The following HELZ variants were observed in gnomAD, a reference collection of about 807,000 sequenced individuals.
The protein encoded by HELZ is ATP-dependent RNA helicase with zinc finger domain.
Under a neutral mutation model 218.2 loss-of-function variants are expected in HELZ, and 23 were observed. That is an observed-to-expected ratio of 0.11 (90% CI 0.08 to 0.15). The LOEUF is 0.15. HELZ is among the 10% of genes least tolerant of loss of function. The probability of loss-of-function intolerance (pLI) is 1.00; values close to 1 mark genes in which losing one functional copy is unlikely to be tolerated. For synonymous variants in HELZ, 814 were observed against 829.4 expected (o/e 0.98, Z 0.32); for missense variants, 1,813 against 2,353.7 (o/e 0.77, Z 4.75).
intron 12 of HELZ, among the ~76,000 whole-genome samples, chr17:67,185,393 TTC>T (rs1488472387): frequency 6.6e-6 from 1 of 152,200 alleles, no homozygotes; most frequent in African/African-American, 2.4e-5. Context: ...TTCTTTACAA[TTC>T]TGTTAGGACT....
At chr17:67,245,689 C>T (rs765038266), upstream of HELZ, 10 of 196,040 alleles carry the variant, frequency 5.1e-5, no homozygotes, top group Non-Finnish European at 7.4e-5. Flanking sequence ...CGGAGAGGTG[C>T]CTCTGCCCTG....
At chr17:67,155,133 T>A (rs570003649) in intron 17 of HELZ, among the ~76,000 whole-genome samples, 2 of 152,286 alleles carry the variant, frequency 1.3e-5, no homozygotes, top group East Asian at 1.9e-4. Context: ...ACTAGTTAAG[T>A]GTGTGTACAA....
chr17:67,203,433 T>G lies in HELZ; in HGVS notation c.258A>C (p.Glu86Asp). The change falls in exon 6 of 33, where the codon GAA becomes GAC. Residue 86 changes from glutamate (E) to aspartate (D), a missense_variant. By Grantham distance (45) the Glu-to-Asp change is conservative. This residue lies in a region of HELZ where 714 missense variants were observed against 1,029.2 expected (regional missense o/e 0.69). Coordinates refer to ENST00000358691, the MANE Select transcript of HELZ (RefSeq NM_014877.4). ...AGGCATCTTCTCCCTTGGCCAGTCC[T>G]TCTCCCAGCACTGCCATGAAAGAAC... is the stretch of plus-strand genomic sequence containing the variant. Reference protein sequence around the residue: ...ADEDCRHVLGEGLAKGEDAFR... With the variant: ...ADEDCRHVLGDGLAKGEDAFR... 1 of 1,613,798 alleles carries G rather than the reference T, an allele frequency of 6.2e-7. No individual in the cohort carries two copies. Among genetic ancestry groups the G allele is most frequent in the African/African-American group, 1.3e-5 (1 of 75,046 alleles).
At position 67,160,381 on chromosome 17, in the gene HELZ, C is replaced by A; in HGVS notation, c.2076-19G>T. ...GAGAATCCTGCTGAAATAAATGGTG[C>A]AAATAAAAAGAATGATAAAACACAA... On this transcript the variant is annotated intron_variant, in intron 16 of 32. Coordinates refer to ENST00000358691, the MANE Select transcript of HELZ (RefSeq NM_014877.4). The A allele has an allele frequency of 6.6e-7, 1 of 1,512,076 alleles. No individual in the cohort carries two copies. The allele number at this position is 1,512,076 out of a possible 1,614,324, so 93.7% of individuals were successfully genotyped here. A position where few individuals can be genotyped will look rare whatever the true frequency, so the allele number is the denominator to read the frequency against.
chr17:67,151,001 T>C (rs560649248), intron 18 of HELZ, 45 bp downstream of exon 18: 2 of 1,554,012 alleles, frequency 1.3e-6, no homozygotes, highest in Admixed American at 3.4e-5. Context: ...CTAAACTGAA[T>C]TCATAAGCCC....
chr17:67,215,349 C>CTTTTT (rs773776900), intron 5 of HELZ, among the ~76,000 whole-genome samples: 8 of 136,624 alleles, frequency 5.9e-5, no homozygotes, highest in Admixed American at 5.2e-4. Flanking sequence ...GCTATTCAAA[C>CTTTTT]TTTTTTTTTT....
At chr17:67,174,021 T>A (rs751281933) in intron 13 of HELZ, among the ~76,000 whole-genome samples, 3 of 152,152 alleles carry the variant, frequency 2.0e-5, no homozygotes, top group Non-Finnish European at 4.4e-5. Context: ...CAAAGTAGAA[T>A]CATTATTGAA....
chr17:67,112,906 G>C (rs926594677), intron 28 of HELZ, among the ~76,000 whole-genome samples: 1 of 152,142 alleles, frequency 6.6e-6, no homozygotes, highest in African/African-American at 2.4e-5. Context: ...GAAAACGAAA[G>C]AAACAAGATG....
At chr17:67,149,723 T>G (rs1249589148) in intron 19 of HELZ, 144 bp downstream of exon 19, 1 of 420,592 alleles carries the variant, frequency 2.4e-6, no homozygotes, top group African/African-American at 2.1e-5. Context: ...AATAACAGTA[T>G]TTTTCACTAT....
Position 67,110,524 on chromosome 17 carries a change from T to C in HELZ, c.3919-838A>G, listed in dbSNP as rs900480919. ...TGGTTGTCAATTTTTCCATTACATA[T>C]TGACATTCTTTCTTTAACATTTATT... On this transcript the variant is annotated intron_variant, in intron 28 of 32. Coordinates refer to ENST00000358691, the MANE Select transcript of HELZ (RefSeq NM_014877.4). Among the ~76,000 whole-genome samples, 32 of 152,350 alleles carry C rather than the reference T, an allele frequency of 2.1e-4. 1 individual carries two copies. The highest frequency in any genetic ancestry group is 7.2e-4 in the African/African-American group (30 of 41,570).
rs8080100 is a variant in HELZ at position 67,215,926 on chromosome 17, C to T, written c.220G>A (p.Val74Met). 0.16 allele frequency: 246,929 copies of T among 1,531,222 alleles called. 21,148 individuals carry two copies. Among genetic ancestry groups the T allele is most frequent in the African/African-American group, 0.25 (18,387 of 72,908 alleles). The allele number at this position is 1,531,222 out of a possible 1,614,324, so 94.9% of individuals were successfully genotyped here. The change falls in exon 5 of 33, where the codon GTG becomes ATG. Residue 74 changes from valine (V) to methionine (M), a missense_variant. This residue lies in a region of HELZ where 714 missense variants were observed against 1,029.2 expected (regional missense o/e 0.69). Coordinates refer to ENST00000358691, the MANE Select transcript of HELZ (RefSeq NM_014877.4). ...IASFLQLKNYVQADEDCRHVL... is the reference protein window; with the variant it reads ...IASFLQLKNYMQADEDCRHVL... ...TGTCTACAATCTTCATCAGCTTGCACATAATTTTTCTGCAAAACAAAAATA... is the reference window on the plus strand; with the variant it reads ...TGTCTACAATCTTCATCAGCTTGCATATAATTTTTCTGCAAAACAAAAATA...
chr17:67,095,459 G>A (rs2036714311), intron 31 of HELZ, among the ~76,000 whole-genome samples: 1 of 152,108 alleles, frequency 6.6e-6, no homozygotes, highest in Non-Finnish European at 1.5e-5. Flanking sequence ...GAGGTGGGAG[G>A]ATTGCCAGGG....
rs2040214544 is a variant in HELZ at position 67,203,267 on chromosome 17, A to T, written c.372+52T>A. 1.9e-6 allele frequency: 3 copies of T among 1,586,192 alleles called. No individual in the cohort carries two copies. The African/African-American group carries it at 4.0e-5, about 21-fold the overall frequency. Reference sequence around the variant, plus strand: ...TTTTTCCCCACAATATACCTAAGGAATCAAATAAAAATTTGTTTTCAGGCA... The same window carrying T: ...TTTTTCCCCACAATATACCTAAGGATTCAAATAAAAATTTGTTTTCAGGCA... On this transcript the variant is annotated intron_variant, in intron 6 of 32. Coordinates refer to ENST00000358691, the MANE Select transcript of HELZ (RefSeq NM_014877.4).
chr17:67,242,453 CATAG>C (rs1253851176), intron 2 of HELZ, among the ~76,000 whole-genome samples: 1 of 149,666 alleles, frequency 6.7e-6, no homozygotes, highest in South Asian at 2.1e-4. Context: ...TATCTATATA[CATAG>C]ATACACACAT....
chr17:67,219,152 C>G (rs1169467484), intron 3 of HELZ, among the ~76,000 whole-genome samples: 1 of 152,206 alleles, frequency 6.6e-6, no homozygotes, highest in Non-Finnish European at 1.5e-5. Flanking sequence ...AAAGGATCCC[C>G]TTTCTTAACC....
At chr17:67,158,613 T>A (rs1466577809) in intron 17 of HELZ, among the ~76,000 whole-genome samples, 1 of 152,174 alleles carries the variant, frequency 6.6e-6, no homozygotes, top group Non-Finnish European at 1.5e-5. Context: ...CTAAATGAAA[T>A]CACATGAAAT....
intron 32 of HELZ, among the ~76,000 whole-genome samples, chr17:67,085,976 A>C (rs1163438296): frequency 6.6e-6 from 1 of 152,168 alleles, no homozygotes; most frequent in Non-Finnish European, 1.5e-5. Flanking sequence ...ACAGTTTATT[A>C]GAATAAAGGA....
chr17:67,188,735 C>A lies in HELZ; in HGVS notation c.865-119G>T. 1.3e-6 allele frequency: 1 copy of A among 741,388 alleles called. No individual in the cohort carries two copies. The highest frequency in any genetic ancestry group is 2.2e-6 in the Non-Finnish European group (1 of 463,474). 45.9% of individuals were successfully genotyped at this position (741,388 alleles called of 1,614,324 possible). A position where few individuals can be genotyped will look rare whatever the true frequency, so the allele number is the denominator to read the frequency against. ...TTTACTTCCCCAAGCTTCTAAGATA[C>A]TATAGCCATTTAAGAAAAAAATCAG... On this transcript the variant is annotated intron_variant, in intron 11 of 32. Transcript: ENST00000358691. This position sits in a 1 kb window ranked among gnomAD's most constrained non-coding sequence, Gnocchi z 4.1.
At position 67,108,571 on chromosome 17, in the gene HELZ, C is replaced by T; in HGVS notation, c.4645G>A (p.Gly1549Arg). The change falls in exon 30 of 33, where the codon GGA (glycine) becomes AGA (arginine). Residue 1549 changes from glycine to arginine, a missense_variant. Gly to Arg is a moderately radical substitution (Grantham distance 125). Transcript: ENST00000358691. The surrounding 1 kb of genome is among the most constrained non-coding windows in gnomAD (Gnocchi z 4.1). ...GCCCTCACTGGCGGCTGATGTAATC[C>T]CAGGGGCGGCTGAGGAAGATGCTGG... ...HLQHLPQPPL[G>R]LHQPPVRADW... The T allele has an allele frequency of 3.1e-6, 5 of 1,613,950 alleles. No homozygotes were observed. The highest frequency in any genetic ancestry group is 3.4e-6 in the Non-Finnish European group (4 of 1,179,966).
Sources: gnomAD v4.1 joint callset for allele counts (sites outside exome capture counted in the v4.1 genomes callset) on GRCh38, gnomAD v4.1.1 for gene constraint, gnomAD v4.1.1 regional missense constraint, Gnocchi (gnomAD v3.1) non-coding constraint, MANE v1.5 for transcripts, NCBI Gene and HGNC (gene_info 2026-07-23, HGNC 2026-07-21) for gene names.